Variants in PKIG observed in about 807,000 individuals in gnomAD.
PKIG encodes cAMP-dependent protein kinase inhibitor gamma, also known as protein kinase (cAMP-dependent, catalytic) inhibitor gamma.
Under a neutral mutation model 6.8 loss-of-function variants are expected in PKIG, and 1 was observed. The ratio of observed to expected loss-of-function variants is 0.15; its 90% CI spans 0.05 to 0.69. The LOEUF is 0.69. Ranked by LOEUF, PKIG falls within the 30% of genes least tolerant of loss-of-function variation. PKIG has a pLI of 0.82. For synonymous variants in PKIG, 39 were observed against 43.0 expected (o/e 0.91, Z 0.36); for missense variants, 77 against 104.0 (o/e 0.74, Z 1.13).
chr20:44,550,160 A>G (rs1453661180), intron 1 of PKIG, among the ~76,000 whole-genome samples: 1 of 149,892 alleles, frequency 6.7e-6, no homozygotes, highest in Non-Finnish European at 1.5e-5. Context: ...GTGTGTTTAT[A>G]TATATTATCT....
intron 3 of PKIG, among the ~76,000 whole-genome samples, chr20:44,617,572 G>A (rs1211297965): frequency 6.6e-6 from 1 of 152,084 alleles, no homozygotes; most frequent in East Asian, 1.9e-4. Context: ...CCCTCAGTGA[G>A]GTGCTCCATC....
At chr20:44,558,574 T>TTTCTTTCTTTCTTTCTTTCTTTCTTTC (rs2064736616) in intron 1 of PKIG, among the ~76,000 whole-genome samples, 4 of 131,900 alleles carry the variant, frequency 3.0e-5, no homozygotes, top group Non-Finnish European at 6.2e-5. Context: ...TTTTTTTCTT[T>TTTCTTTCTTTCTTTCTTTCTTTCTTTC]TTTCTTTCTT....
intron 1 of PKIG, among the ~76,000 whole-genome samples, chr20:44,559,929 G>A (rs1247877050): frequency 2.0e-5 from 3 of 152,118 alleles, no homozygotes; most frequent in Non-Finnish European, 4.4e-5. Flanking sequence ...GTAGCGCCGG[G>A]CATGGTGGCT....
intron 1 of PKIG, among the ~76,000 whole-genome samples, chr20:44,540,681 G>C (rs1440677668): frequency 1.3e-5 from 2 of 151,930 alleles, no homozygotes; most frequent in East Asian, 3.9e-4. Context: ...TGGGTTCAAA[G>C]ATTCTCCTGC....
At chr20:44,532,588 C>G (rs2064476713) in intron 1 of PKIG, among the ~76,000 whole-genome samples, 1 of 152,138 alleles carries the variant, frequency 6.6e-6, no homozygotes, top group African/African-American at 2.4e-5. Flanking sequence ...CCGGAGGAGA[C>G]AGACTCGTAA....
chr20:44,603,191 T>G (rs1472402348), intron 2 of PKIG, among the ~76,000 whole-genome samples: 1 of 152,034 alleles, frequency 6.6e-6, no homozygotes, highest in South Asian at 2.1e-4. Flanking sequence ...AAGAAGGAAG[T>G]TTTAATCTTC....
chr20:44,552,578 C>G (rs1223787968), intron 1 of PKIG, among the ~76,000 whole-genome samples: 1 of 152,156 alleles, frequency 6.6e-6, no homozygotes, highest in Non-Finnish European at 1.5e-5. Flanking sequence ...CAAGCAGGCA[C>G]TTTTGAATCA....
intron 2 of PKIG, among the ~76,000 whole-genome samples, chr20:44,608,890 A>G (rs749674914): frequency 3.3e-5 from 5 of 152,216 alleles, no homozygotes; most frequent in Non-Finnish European, 5.9e-5. Context: ...AGATTATTAT[A>G]AACTGATTTA....
At chr20:44,596,794 C>T (rs531237873) in intron 2 of PKIG, among the ~76,000 whole-genome samples, 1 of 152,296 alleles carries the variant, frequency 6.6e-6, no homozygotes, top group East Asian at 1.9e-4. Context: ...TTCACTCACC[C>T]TACACTAGTG....
At chr20:44,571,871 T>TACA (rs929013729) in intron 1 of PKIG, among the ~76,000 whole-genome samples, 9 of 152,344 alleles carry the variant, frequency 5.9e-5, no homozygotes, top group Admixed American at 5.9e-4. Flanking sequence ...CTTCCACAGG[T>TACA]AATAAGACCT....
intron 1 of PKIG, among the ~76,000 whole-genome samples, chr20:44,557,442 C>G (rs531664491): frequency 1.2e-4 from 18 of 146,466 alleles, no homozygotes; most frequent in Non-Finnish European, 1.2e-4. Flanking sequence ...AGGGGAATTG[C>G]GTGAACCTGG....
At chr20:44,548,867 C>CAG (rs2064641096) in intron 1 of PKIG, among the ~76,000 whole-genome samples, 1 of 137,632 alleles carries the variant, frequency 7.3e-6, no homozygotes, top group South Asian at 2.4e-4. Flanking sequence ...CACACACACA[C>CAG]ACACACACAC....
intron 2 of PKIG, among the ~76,000 whole-genome samples, chr20:44,605,385 C>T (rs1290966310): frequency 1.7e-4 from 21 of 123,256 alleles, no homozygotes; most frequent in Admixed American, 1.7e-3. Context: ...CCAGCCTGGG[C>T]GACAGAGTGA....
chr20:44,612,533 G>A (rs1438304026), intron 2 of PKIG, among the ~76,000 whole-genome samples: 1 of 152,110 alleles, frequency 6.6e-6, no homozygotes, highest in Non-Finnish European at 1.5e-5. Flanking sequence ...AAAACCATAG[G>A]TGCTCAATGA....
intron 1 of PKIG, among the ~76,000 whole-genome samples, chr20:44,547,725 A>G (rs140260662): frequency 2.6e-5 from 4 of 152,264 alleles, no homozygotes; most frequent in Non-Finnish European, 5.9e-5. Context: ...AAAAATGGGA[A>G]TAGTAATAAC....
In PKIG at chr20:44,567,780, G is replaced by A. The variant is rs534259212; in HGVS notation, c.-240-14805G>A. On this transcript the variant is annotated intron_variant, in intron 1 of 4. Coordinates refer to the PKIG transcript ENST00000372887. ...GGCCCTAGAGACTGAGACTGTTCCCGGCTGACAGAGTGTGGCTTATGTCTC... is the reference window on the plus strand; with the variant it reads ...GGCCCTAGAGACTGAGACTGTTCCCAGCTGACAGAGTGTGGCTTATGTCTC... Among the ~76,000 whole-genome samples the A allele has an allele frequency of 9.8e-4, 150 of 152,340 alleles. 1 individual carries two copies. Among genetic ancestry groups the A allele is most frequent in the African/African-American group, 3.6e-3 (148 of 41,574 alleles).
At chr20:44,610,689 A>G (rs1203412319) in intron 2 of PKIG, among the ~76,000 whole-genome samples, 1 of 152,222 alleles carries the variant, frequency 6.6e-6, no homozygotes, top group Non-Finnish European at 1.5e-5. Context: ...TTAATCACAA[A>G]GAACCACAGT....
At chr20:44,544,875 C>T (rs1029891062) in intron 1 of PKIG, among the ~76,000 whole-genome samples, 2 of 148,634 alleles carry the variant, frequency 1.3e-5, no homozygotes, top group African/African-American at 2.5e-5. Flanking sequence ...TTTACATTGA[C>T]TTTCCTCTTT....
chr20:44,564,099 A>G (rs1249066256), intron 1 of PKIG: 1 of 152,108 alleles, frequency 6.6e-6, no homozygotes, highest in East Asian at 1.9e-4. Flanking sequence ...TTATGGTTTC[A>G]TATTTTTACA....
Sources: gnomAD v4.1 joint callset for allele counts (sites outside exome capture counted in the v4.1 genomes callset) on GRCh38, gnomAD v4.1.1 for gene constraint, MANE v1.5 for transcripts, NCBI Gene and HGNC (gene_info 2026-07-23, HGNC 2026-07-21) for gene names.